The following MECR variants were observed in gnomAD, a reference collection of about 807,000 sequenced individuals.
MECR encodes the protein enoyl-[acyl-carrier-protein] reductase, mitochondrial.
A neutral mutation model predicts 49.1 loss-of-function variants in MECR; 37 were observed. The observed-to-expected ratio is 0.75, with a 90% CI of 0.58 to 0.99. The LOEUF (loss-of-function observed/expected upper bound fraction) is 0.99. Ranked by LOEUF, MECR falls within the 50% of genes least tolerant of loss-of-function variation. The pLI is 0.00. For missense variants in MECR, 470 were observed against 479.6 expected (o/e 0.98, Z 0.19); for synonymous variants, 198 against 191.1 (o/e 1.04, Z -0.30).
At chr1:29,230,622 T>A in intron 1 of MECR, 109 bp downstream of exon 1, 1 of 1,394,794 alleles carries the variant, frequency 7.2e-7, no homozygotes, top group Admixed American at 2.7e-5. Context: ...CGGTTTGCTA[T>A]TCTCTGCCCC....
At chr1:29,181,704 C>G in the MECR span, 3 of 1,595,204 alleles carry the variant, frequency 1.9e-6, no homozygotes, top group Non-Finnish European at 2.6e-6. Context: ...CGCTCCACAT[C>G]GCGCTCCCGG....
At chr1:29,206,553 G>GA (rs375925377) in intron 4 of MECR, among the ~76,000 whole-genome samples, 1 of 152,212 alleles carries the variant, frequency 6.6e-6, no homozygotes, top group East Asian at 1.9e-4. Context: ...AGCAGTTTTC[G>GA]AGAGTGTACT....
intron 5 of MECR, 21 bp downstream of exon 5, chr1:29,203,110 G>A (rs1254428203): frequency 1.3e-6 from 2 of 1,545,702 alleles, no homozygotes; most frequent in Non-Finnish European, 1.8e-6. Context: ...GGTCTGGGAT[G>A]AAGCCTCCTT....
intron 1 of MECR, chr1:29,230,428 ATAAC>A: frequency 2.8e-6 from 1 of 362,770 alleles, no homozygotes; most frequent in South Asian, 3.2e-5. Flanking sequence ...GGATAAATCA[ATAAC>A]TACCCCAAAA....
chr1:29,177,893 ATT>A, the MECR span, among the ~76,000 whole-genome samples: 2,207 of 93,416 alleles, frequency 0.024, 13 homozygotes, highest in Middle Eastern at 0.086. Context: ...ATTACACAAG[ATT>A]TTTTTTTTTT....
At chr1:29,203,019 C>T (rs961153512) in intron 5 of MECR, 112 bp downstream of exon 5, 9 of 765,792 alleles carry the variant, frequency 1.2e-5, no homozygotes, top group South Asian at 1.9e-5. Flanking sequence ...ATGCCTAAAG[C>T]CAGTTTATGC....
the MECR span, among the ~76,000 whole-genome samples, chr1:29,182,296 G>A: frequency 2.3e-4 from 35 of 152,236 alleles, no homozygotes; most frequent in African/African-American, 8.4e-4. Context: ...GCGATGTCTC[G>A]GACCCTCCTT....
chr1:29,204,818 G>A (rs1283941990), intron 4 of MECR, among the ~76,000 whole-genome samples: 1 of 152,204 alleles, frequency 6.6e-6, no homozygotes, highest in African/African-American at 2.4e-5. Context: ...TCCAGCAAAG[G>A]TCCCTGGTCA....
chr1:29,178,621 G>T, the MECR span, among the ~76,000 whole-genome samples: 1 of 152,060 alleles, frequency 6.6e-6, no homozygotes, highest in Non-Finnish European at 1.5e-5. Context: ...CTCCCAAAGT[G>T]CTGGGATTAC....
chr1:29,203,048 T>C, intron 5 of MECR, 83 bp downstream of exon 5: 1 of 1,162,526 alleles, frequency 8.6e-7, no homozygotes. Flanking sequence ...GGGCGCCCTC[T>C]GGTGGACAAC....
chr1:29,230,901 C>A lies in MECR; in HGVS notation c.6G>T (p.Trp2Cys), dbSNP rs760609986. M[W>C]VCSTLWRVRT... ...GCACCCGCCACAGGGTACTGCAGACCCACATGCTCGCTCCAACCAACACAG... is the reference window on the plus strand; with the variant it reads ...GCACCCGCCACAGGGTACTGCAGACACACATGCTCGCTCCAACCAACACAG... The change falls in exon 1 of 10, where the codon TGG (tryptophan) becomes TGT (cysteine). Residue 2 changes from tryptophan to cysteine, a missense_variant. Coordinates refer to ENST00000263702, the MANE Select transcript of MECR (RefSeq NM_016011.5). The A allele has an allele frequency of 6.9e-6, 11 of 1,601,636 alleles. No individual in the cohort carries two copies. In the African/African-American group the frequency reaches 8.1e-5, roughly 12 times the overall value.
intron 3 of MECR, among the ~76,000 whole-genome samples, chr1:29,210,262 T>C (rs1677655917): frequency 6.6e-6 from 1 of 152,184 alleles, no homozygotes; most frequent in South Asian, 2.1e-4. Context: ...TCCGCCCATC[T>C]TGGCCTCCCA....
the MECR span, among the ~76,000 whole-genome samples, chr1:29,174,615 T>G: frequency 5.4e-5 from 8 of 148,266 alleles, no homozygotes; most frequent in Admixed American, 5.4e-4. Context: ...ATTCCAAGTT[T>G]GGAAAAAAAA....
chr1:29,179,415 A>T, the MECR span, among the ~76,000 whole-genome samples: 5 of 152,184 alleles, frequency 3.3e-5, no homozygotes, highest in African/African-American at 1.2e-4. Context: ...ACTGGAGTGC[A>T]GTGTCACAAT....
chr1:29,209,871 G>T (rs1204869370), intron 3 of MECR, among the ~76,000 whole-genome samples: 2 of 152,172 alleles, frequency 1.3e-5, no homozygotes, highest in Admixed American at 6.5e-5. Context: ...CAGTTGCTGG[G>T]ATTCTAATGG....
intron 1 of MECR, chr1:29,220,809 G>T: frequency 3.3e-6 from 2 of 606,144 alleles, no homozygotes; most frequent in Non-Finnish European, 4.1e-6. Flanking sequence ...ATGAGTTAAT[G>T]TATGTAAAGC....
rs369875973 is a variant in MECR, at chr1:29,200,627, G to A, written c.757-38C>T. On this transcript the variant is annotated intron_variant, in intron 6 of 9. Coordinates refer to ENST00000263702, the MANE Select transcript of MECR (RefSeq NM_016011.5). ...AAAAGTGCAGTGAGGGAGCATCCCC[G>A]CTCTACATATGGGGTCTGAAGCTTG... 1.8e-5 allele frequency: 28 copies of A among 1,579,810 alleles called. No homozygotes were observed. In the East Asian group the frequency reaches 4.0e-4, roughly 23 times the overall value.
At chr1:29,170,474 A>G in the MECR span, 1 of 152,188 alleles carries the variant, frequency 6.6e-6, no homozygotes, top group East Asian at 1.9e-4. Context: ...TTCATTAAAG[A>G]TGATGCCTCT....
the MECR span, chr1:29,181,523 C>G: frequency 1.2e-6 from 1 of 820,012 alleles, no homozygotes; most frequent in South Asian, 2.1e-5. Flanking sequence ...GCCACTATGG[C>G]GGAGCCTGGC....
Sources: allele counts gnomAD v4.1 joint callset (sites outside exome capture counted in the v4.1 genomes callset), GRCh38; gene constraint gnomAD v4.1.1; transcripts MANE v1.5; gene names NCBI Gene and HGNC (gene_info 2026-07-23, HGNC 2026-07-21).